The following PPEF2 variants were observed in gnomAD, a reference collection of about 807,000 sequenced individuals.
PPEF2 encodes the protein protein phosphatase with EF-hand domain 2.
PPEF2 carries 84 observed loss-of-function variants against 84.7 expected under a neutral mutation model. The observed-to-expected ratio is 0.99, with a 90% CI of 0.83 to 1.19. The LOEUF is 1.19. PPEF2 is among the 50% of genes most tolerant of loss of function. PPEF2 has a pLI of 0.00. For synonymous variants in PPEF2, 346 were observed against 345.2 expected (o/e 1.00, Z -0.03); for missense variants, 924 against 937.5 (o/e 0.99, Z 0.19).
chr4:75,864,821 C>T (rs574449344), intron 15 of PPEF2, among the ~76,000 whole-genome samples: 58 of 152,132 alleles, frequency 3.8e-4, no homozygotes, highest in African/African-American at 1.2e-3. Context: ...TGGATTTTTT[C>T]GGACATTGTA....
chr4:75,895,863 A>G (rs1724997648), intron 2 of PPEF2, among the ~76,000 whole-genome samples: 1 of 151,562 alleles, frequency 6.6e-6, no homozygotes, highest in Non-Finnish European at 1.5e-5. Context: ...GGTGTGACCC[A>G]CAACTCCTGG....
At chr4:75,876,110 T>C (rs760639191) in intron 11 of PPEF2, among the ~76,000 whole-genome samples, 177 bp downstream of exon 11, 2 of 152,200 alleles carry the variant, frequency 1.3e-5, no homozygotes, top group Non-Finnish European at 2.9e-5. Flanking sequence ...CACATCCCCA[T>C]CTTTTATAAA....
At chr4:75,877,391 A>AAG (rs1724456278) in intron 10 of PPEF2, among the ~76,000 whole-genome samples, 1 of 148,572 alleles carries the variant, frequency 6.7e-6, no homozygotes, top group South Asian at 2.2e-4. Context: ...AGAAAGAAAG[A>AAG]AGAGGAAGAA....
At chr4:75,896,986 GCCATTCTCACCC>G (rs1190510195) in intron 1 of PPEF2, among the ~76,000 whole-genome samples, 1 of 151,986 alleles carries the variant, frequency 6.6e-6, no homozygotes, top group Non-Finnish European at 1.5e-5. Context: ...CTGGGTTCAC[GCCATTCTCACCC>G]CCTCAGCCTC....
At position 75,885,752 on chromosome 4, in the gene PPEF2, G is replaced by A. The variant is rs545971116; in HGVS notation, c.580-992C>T. 2.0e-4 allele frequency among the ~76,000 whole-genome samples: 30 copies of A among 152,084 alleles called. No homozygotes were observed. In the East Asian group the frequency reaches 4.5e-3, roughly 23 times the overall value. ...TAGGCCAGGCGCGGTGGCTCACACC[G>A]GTAATCCCAGCACTTTGGGAGGCTG... On this transcript the variant is annotated intron_variant, in intron 7 of 16. Coordinates refer to ENST00000286719, the MANE Select transcript of PPEF2 (RefSeq NM_006239.3).
At chr4:75,880,230 G>C (rs145171160) in intron 10 of PPEF2, among the ~76,000 whole-genome samples, 1 of 152,132 alleles carries the variant, frequency 6.6e-6, no homozygotes, top group Non-Finnish European at 1.5e-5. Flanking sequence ...CCAAATAGGC[G>C]CTGTTCTGGG....
At chr4:75,894,969 A>G (rs527410624) in intron 2 of PPEF2, among the ~76,000 whole-genome samples, 3 of 152,280 alleles carry the variant, frequency 2.0e-5, no homozygotes, top group East Asian at 3.9e-4. Flanking sequence ...TATCCCTACC[A>G]TATTAGAAAT....
intron 12 of PPEF2, 61 bp from the exon 13 acceptor site, chr4:75,872,228 T>G: frequency 6.6e-7 from 1 of 1,521,836 alleles, no homozygotes; most frequent in Non-Finnish European, 8.9e-7. Flanking sequence ...TCACCCTCAA[T>G]CCTATGTGGC....
chr4:75,895,470 C>T (rs1191208851), intron 2 of PPEF2, among the ~76,000 whole-genome samples: 3 of 151,814 alleles, frequency 2.0e-5, no homozygotes, highest in Middle Eastern at 3.4e-3. Context: ...CGGTGGCTCA[C>T]GCCTGTAATC....
intron 11 of PPEF2, among the ~76,000 whole-genome samples, chr4:75,874,231 A>G (rs1464774505): frequency 6.6e-6 from 1 of 152,198 alleles, no homozygotes; most frequent in Non-Finnish European, 1.5e-5. Flanking sequence ...AATAACTGCC[A>G]GTCATACAAT....
rs909275004 is a variant in PPEF2, at chr4:75,888,152, C to T, written c.532+62G>A. ...CAGCCCGCCACTCCTCTTGCATCCC[C>T]ACACAGGTAGAGCATTCTTCTTTGT... On this transcript the variant is annotated intron_variant, in intron 6 of 16. Coordinates refer to ENST00000286719, the MANE Select transcript of PPEF2 (RefSeq NM_006239.3). 4 of 1,309,738 alleles carry T rather than the reference C, an allele frequency of 3.1e-6. No homozygotes were observed. The African/African-American group carries it at 4.4e-5, about 14-fold the overall frequency. 81.1% of individuals were successfully genotyped at this position (1,309,738 alleles called of 1,614,324 possible). A position where few individuals can be genotyped will look rare whatever the true frequency, so the allele number is the denominator to read the frequency against.
At chr4:75,900,783 A>G (rs1293029090) in intron 1 of PPEF2, among the ~76,000 whole-genome samples, 1 of 152,228 alleles carries the variant, frequency 6.6e-6, no homozygotes, top group East Asian at 1.9e-4. Flanking sequence ...TAAAGAATCA[A>G]CAAAATACAT....
intron 7 of PPEF2, among the ~76,000 whole-genome samples, chr4:75,885,074 A>G (rs1724688386): frequency 6.6e-6 from 1 of 152,228 alleles, no homozygotes; most frequent in Non-Finnish European, 1.5e-5. Flanking sequence ...ATCTTTAACT[A>G]GAAATAATAA....
intron 10 of PPEF2, among the ~76,000 whole-genome samples, chr4:75,877,672 C>CA (rs1724463569): frequency 6.8e-6 from 1 of 147,204 alleles, no homozygotes; most frequent in African/African-American, 2.5e-5. Flanking sequence ...TTTCCTTTCT[C>CA]TTTTTTTTTT....
Position 75,888,259 on chromosome 4 carries a change from T to A in PPEF2, c.487A>T (p.Ile163Phe). The change falls in exon 6 of 17, where the codon ATC becomes TTC. Residue 163 changes from isoleucine to phenylalanine, a missense_variant. Physicochemically the swap from Ile to Phe is conservative, Grantham distance 21. Coordinates refer to ENST00000286719, the MANE Select transcript of PPEF2 (RefSeq NM_006239.3). ...TKKHLVQLPNINRVSTCYSEE... is the reference protein window; with the variant it reads ...TKKHLVQLPNFNRVSTCYSEE... Reference sequence around the variant, plus strand: ...CTGTAACAGGTTGAGACCCGGTTGATGTTTGGCAGCTGTACCAGATGTTTC... The same window carrying A: ...CTGTAACAGGTTGAGACCCGGTTGAAGTTTGGCAGCTGTACCAGATGTTTC... 7 of 1,614,092 alleles carry A rather than the reference T, an allele frequency of 4.3e-6. No homozygotes were observed. The South Asian group carries it at 7.7e-5, about 18-fold the overall frequency.
intron 11 of PPEF2, among the ~76,000 whole-genome samples, chr4:75,875,966 T>A (rs773550183): frequency 2.0e-5 from 3 of 152,200 alleles, no homozygotes; most frequent in Non-Finnish European, 4.4e-5. Flanking sequence ...GGCCTTGAAC[T>A]ATGGCAGCTA....
At position 75,872,123 on chromosome 4, in the gene PPEF2, G is replaced by C; in HGVS notation, c.1551C>G (p.Ser517Arg). The change falls in exon 13 of 17, where the codon AGC (serine) becomes AGG (arginine). Residue 517 changes from serine (S) to arginine (R), a missense_variant. Coordinates refer to ENST00000286719, the MANE Select transcript of PPEF2 (RefSeq NM_006239.3). ...CCAGTTTGACATAGGCCCCTCTGTTGCTGCCAACTTCATAGTAGTTGGAGG... is the reference window on the plus strand; with the variant it reads ...CCAGTTTGACATAGGCCCCTCTGTTCCTGCCAACTTCATAGTAGTTGGAGG... ...FSASNYYEVG[S>R]NRGAYVKLGP... The C allele has an allele frequency of 1.9e-6, 3 of 1,613,842 alleles. No individual in the cohort carries two copies. Among genetic ancestry groups the C allele is most frequent in the South Asian group, 2.2e-5 (2 of 91,058 alleles).
In PPEF2 at chr4:75,860,715, T is replaced by C; in HGVS notation, c.2214A>G (p.Gln738=). 1 of 1,614,214 alleles carries C rather than the reference T, an allele frequency of 6.2e-7. No homozygotes were observed. The highest frequency in any genetic ancestry group is 8.5e-7 in the Non-Finnish European group (1 of 1,179,998). ...CPEGDASECP[Q]ATNAKDSGCS... ...AGCCACTGTCTTTAGCATTTGTAGC[T>C]TGTGGGCATTCTGAGGCATCGCCCT... The change falls in exon 17 of 17, where the codon CAA becomes CAG. Residue 738 remains glutamine (Q), a synonymous_variant. Transcript: ENST00000286719.
At chr4:75,885,739 G>A (rs13123426) in intron 7 of PPEF2, among the ~76,000 whole-genome samples, 132,052 of 151,822 alleles carry the variant, frequency 0.87, 59,753 homozygotes, top group East Asian at 0.99. Flanking sequence ...GGCCAGGCGC[G>A]GTGGCTCACA....
Sources: gnomAD v4.1 joint callset for allele counts (sites outside exome capture counted in the v4.1 genomes callset) on GRCh38, gnomAD v4.1.1 for gene constraint, MANE v1.5 for transcripts, NCBI Gene and HGNC (gene_info 2026-07-23, HGNC 2026-07-21) for gene names.